LDB2: variants seen among roughly 807,000 people sequenced by gnomAD.
LDB2 encodes the protein LIM domain-binding protein 2.
Under a neutral mutation model 44.3 loss-of-function variants are expected in LDB2, and 12 were observed. That is an observed-to-expected ratio of 0.27 (90% CI 0.17 to 0.44). The LOEUF (loss-of-function observed/expected upper bound fraction) is 0.44, where lower values mean the gene tolerates loss of function less well. LDB2 is among the 20% of genes least tolerant of loss of function. The pLI, the probability that LDB2 is intolerant of heterozygous loss-of-function variation, is 1.00. For synonymous variants in LDB2, 164 were observed against 174.8 expected (o/e 0.94, Z 0.49); for missense variants, 344 against 473.5 (o/e 0.73, Z 2.54).
intron 1 of LDB2, among the ~76,000 whole-genome samples, chr4:16,884,420 T>C (rs1010894360): frequency 2.6e-5 from 4 of 152,150 alleles, no homozygotes; most frequent in Non-Finnish European, 5.9e-5. Context: ...CCTCCACAAT[T>C]CGGCCCCTAC....
At chr4:16,578,355 C>G (rs1712706848) in intron 5 of LDB2, among the ~76,000 whole-genome samples, 1 of 152,092 alleles carries the variant, frequency 6.6e-6, no homozygotes, top group South Asian at 2.1e-4. Flanking sequence ...AAAAACTCTA[C>G]AGGAAAAGAT....
chr4:16,737,134 T>C (rs1337950056), intron 2 of LDB2, among the ~76,000 whole-genome samples: 2 of 152,216 alleles, frequency 1.3e-5, no homozygotes, highest in East Asian at 1.9e-4. Flanking sequence ...GGAGTTTAAA[T>C]TGATACCAAT....
At chr4:16,817,941 T>C (rs1781252297) in intron 1 of LDB2, among the ~76,000 whole-genome samples, 1 of 152,158 alleles carries the variant, frequency 6.6e-6, no homozygotes, top group South Asian at 2.1e-4. Context: ...CCCCAAAATT[T>C]TGGTAGCCTA....
chr4:16,742,056 CT>C lies in LDB2; in HGVS notation c.235+17101del, dbSNP rs1351020599. On this transcript the variant is annotated intron_variant, in intron 2 of 7. Transcript: ENST00000304523. The stretch of plus-strand genomic sequence containing the variant: ...TTCTTTTTTTCTTTTTTCTTTCTTT[CT>C]TTTTTTCTTTTCTTTTCTTTTTTTT... Among the ~76,000 whole-genome samples the C allele has an allele frequency of 5.4e-5, 8 of 147,132 alleles. No individual in the cohort carries two copies. The East Asian group carries it at 6.0e-4, about 11-fold the overall frequency.
chr4:16,586,993 T>C (rs75610037), intron 4 of LDB2, among the ~76,000 whole-genome samples: 7,256 of 152,252 alleles, frequency 0.048, 210 homozygotes, highest in Non-Finnish European at 0.072. Flanking sequence ...AAATAAAAAA[T>C]GCAGGAGAAA....
Position 16,737,338 on chromosome 4 carries a change from C to T in LDB2, c.235+21820G>A, listed in dbSNP as rs537078776. Reference sequence around the variant, plus strand: ...CAAGCTCCTGGGCTCAAGCAATCCTCCCACCTCAGCTTCCTGAGTAGCTGA... The same window carrying T: ...CAAGCTCCTGGGCTCAAGCAATCCTTCCACCTCAGCTTCCTGAGTAGCTGA... On this transcript the variant is annotated intron_variant, in intron 2 of 7. Coordinates refer to ENST00000304523, the MANE Select transcript of LDB2 (RefSeq NM_001290.5). 7.2e-5 allele frequency among the ~76,000 whole-genome samples: 11 copies of T among 152,320 alleles called. No individual in the cohort carries two copies. The South Asian group carries it at 2.3e-3, about 32-fold the overall frequency.
intron 5 of LDB2, among the ~76,000 whole-genome samples, chr4:16,556,823 T>C (rs1739795323): frequency 6.6e-6 from 1 of 152,224 alleles, no homozygotes; most frequent in Non-Finnish European, 1.5e-5. Flanking sequence ...CAGTCCATCA[T>C]ACATTTTTAA....
At chr4:16,552,225 T>C (rs1354194129) in intron 5 of LDB2, among the ~76,000 whole-genome samples, 2 of 152,212 alleles carry the variant, frequency 1.3e-5, no homozygotes, top group African/African-American at 4.8e-5. Context: ...CAAATATTAG[T>C]TGAACATATC....
intron 2 of LDB2, among the ~76,000 whole-genome samples, chr4:16,734,703 CTTTTTTTTTTTTTT>C (rs539507998): frequency 7.7e-6 from 1 of 129,384 alleles, no homozygotes; most frequent in Non-Finnish European, 1.6e-5. Context: ...TTCTTGTTTT[CTTTTTTTTTTTTTT>C]TTTTTTTTGA....
intron 2 of LDB2, among the ~76,000 whole-genome samples, chr4:16,755,086 G>A (rs1279044930): frequency 1.3e-5 from 2 of 152,146 alleles, no homozygotes; most frequent in Non-Finnish European, 1.5e-5. Flanking sequence ...GGCCATTGTG[G>A]ACCTGGACCT....
At chr4:16,689,805 C>T (rs1255441946) in intron 2 of LDB2, among the ~76,000 whole-genome samples, 1 of 152,198 alleles carries the variant, frequency 6.6e-6, no homozygotes, top group African/African-American at 2.4e-5. Flanking sequence ...CTAATGGCTT[C>T]TATTTGCTCA....
intron 4 of LDB2, among the ~76,000 whole-genome samples, chr4:16,587,239 AACCTGTAGAGGAC>A (rs1331201202): frequency 6.6e-6 from 1 of 152,180 alleles, no homozygotes. Context: ...CAATCGCCAA[AACCTGTAGAGGAC>A]ACACTATGTG....
chr4:16,813,894 A>AT (rs1416687770), intron 1 of LDB2, among the ~76,000 whole-genome samples: 1 of 146,028 alleles, frequency 6.8e-6, no homozygotes, highest in Non-Finnish European at 1.5e-5. Context: ...TTTTTTTGAG[A>AT]GGAGTCTGGC....
intron 1 of LDB2, among the ~76,000 whole-genome samples, chr4:16,786,354 T>C (rs1018104537): frequency 1.3e-5 from 2 of 152,208 alleles, no homozygotes; most frequent in African/African-American, 2.4e-5. Flanking sequence ...ATTTGTTTAT[T>C]GTCTGTCTCA....
chr4:16,737,030 C>A (rs55729180), intron 2 of LDB2, among the ~76,000 whole-genome samples: 2,133 of 152,148 alleles, frequency 0.014, 25 homozygotes, highest in Non-Finnish European at 0.022. Flanking sequence ...AGTAAGTAAA[C>A]AGTGAGTGAG....
At chr4:16,702,112 T>G (rs745389611) in intron 2 of LDB2, among the ~76,000 whole-genome samples, 2 of 151,924 alleles carry the variant, frequency 1.3e-5, no homozygotes, top group Non-Finnish European at 2.9e-5. Flanking sequence ...AATCTATAAA[T>G]GAGAGGAGGA....
At chr4:16,527,843 A>G (rs1448661613) in intron 5 of LDB2, among the ~76,000 whole-genome samples, 1 of 152,188 alleles carries the variant, frequency 6.6e-6, no homozygotes, top group African/African-American at 2.4e-5. Context: ...GAGGTAATGA[A>G]TATGTTAATT....
intron 5 of LDB2, among the ~76,000 whole-genome samples, chr4:16,576,813 T>C (rs1711815320): frequency 6.6e-6 from 1 of 152,108 alleles, no homozygotes; most frequent in Admixed American, 6.5e-5. Flanking sequence ...CACTGATAAA[T>C]ATTGATGCAA....
In LDB2 at chr4:16,512,019, C is replaced by T; in HGVS notation, c.701G>A (p.Cys234Tyr). ...NLSPRDCLKTCLFQKWQRMVA... is the reference protein window; with the variant it reads ...NLSPRDCLKTYLFQKWQRMVA... ...CATCCTCTGCCACTTCTGAAACAAG[C>T]AGGTCTTCAGGCAGTCTCGGGGACT... Residue 234 changes from cysteine (C) to tyrosine (Y), a missense_variant, in exon 6 of 8, where the codon TGC (cysteine) becomes TAC (tyrosine). By Grantham distance (194) the Cys-to-Tyr change is radical. Coordinates refer to ENST00000304523, the MANE Select transcript of LDB2 (RefSeq NM_001290.5). The T allele has an allele frequency of 6.2e-7, 1 of 1,613,580 alleles. No individual in the cohort carries two copies. Among genetic ancestry groups the T allele is most frequent in the Non-Finnish European group, 8.5e-7 (1 of 1,179,706 alleles).
Sources: gnomAD v4.1 joint callset for allele counts (sites outside exome capture counted in the v4.1 genomes callset) on GRCh38, gnomAD v4.1.1 for gene constraint, MANE v1.5 for transcripts, NCBI Gene and HGNC (gene_info 2026-07-23, HGNC 2026-07-21) for gene names.